NOX4: variants seen among roughly 807,000 people sequenced by gnomAD.
The protein encoded by NOX4 is kidney oxidase-1.
Under a neutral mutation model 87.6 loss-of-function variants are expected in NOX4, and 69 were observed. The ratio of observed to expected loss-of-function variants is 0.79; its 90% CI spans 0.65 to 0.96. The LOEUF (loss-of-function observed/expected upper bound fraction) is 0.96, where lower values mean the gene tolerates loss of function less well. NOX4 is among the 40% of genes least tolerant of loss of function. The pLI, the probability that NOX4 is intolerant of heterozygous loss-of-function variation, is 0.00. For missense variants in NOX4, 680 were observed against 681.5 expected, an observed-to-expected ratio of 1.00 and a Z score of 0.02; for synonymous variants, 275 against 238.2, an observed-to-expected ratio of 1.15 and a Z score of -1.42.
the NOX4 span, chr11:89,546,576 G>T: frequency 6.6e-6 from 1 of 152,158 alleles, no homozygotes; most frequent in Non-Finnish European, 1.5e-5. Context: ...AGTCTGTTTT[G>T]CATTGCTATA....
chr11:89,379,640 A>G (rs1475747439), intron 11 of NOX4, among the ~76,000 whole-genome samples: 1 of 151,978 alleles, frequency 6.6e-6, no homozygotes, highest in Non-Finnish European at 1.5e-5. Context: ...TTCCATCAGA[A>G]CCTCCTCTCC....
the NOX4 span, among the ~76,000 whole-genome samples, chr11:89,516,314 G>C: frequency 6.6e-6 from 1 of 152,010 alleles, no homozygotes; most frequent in African/African-American, 2.4e-5. Context: ...AAGAAATTTA[G>C]TAAAATTGAA....
chr11:89,349,318 A>G (rs538964320), intron 13 of NOX4, among the ~76,000 whole-genome samples: 3 of 152,024 alleles, frequency 2.0e-5, no homozygotes, highest in Non-Finnish European at 4.4e-5. Context: ...AAAATAAAAT[A>G]AAATAAAATA....
chr11:89,325,174 G>C lies in NOX4; in HGVS notation c.*1582C>G. On this transcript the variant is annotated 3_prime_UTR_variant, in exon 18 of 18. Transcript: ENST00000263317. ...GAATCTTGCTCTGTCACCCAGGCTGGAGTGCAGTGGTGCAATCTTGGCTCA... is the reference window on the plus strand; with the variant it reads ...GAATCTTGCTCTGTCACCCAGGCTGCAGTGCAGTGGTGCAATCTTGGCTCA... 7.7e-6 allele frequency: 1 copy of C among 129,448 alleles called. No homozygotes were observed. The allele number at this position is 129,448 out of a possible 1,614,324, so 8.0% of individuals were successfully genotyped here.
chr11:89,439,331 CAT>C (rs1183476143), intron 6 of NOX4, among the ~76,000 whole-genome samples: 1 of 151,838 alleles, frequency 6.6e-6, no homozygotes, highest in Non-Finnish European at 1.5e-5. Context: ...TAAATGAAAA[CAT>C]GTTTTCAATG....
At chr11:89,419,181 T>A (rs967943567) in intron 8 of NOX4, among the ~76,000 whole-genome samples, 7 of 151,964 alleles carry the variant, frequency 4.6e-5, no homozygotes, top group African/African-American at 1.7e-4. Context: ...ACTTACCACA[T>A]TGATGGACAG....
chr11:89,475,515 T>C (rs1946130019), intron 2 of NOX4, among the ~76,000 whole-genome samples: 1 of 152,058 alleles, frequency 6.6e-6, no homozygotes, highest in African/African-American at 2.4e-5. Flanking sequence ...AAAAATTACC[T>C]TGAAAATATT....
At chr11:89,558,092 C>T in the NOX4 span, among the ~76,000 whole-genome samples, 1 of 152,044 alleles carries the variant, frequency 6.6e-6, no homozygotes, top group Non-Finnish European at 1.5e-5. Context: ...ATTTGGAGGC[C>T]AGTAGTCTTG....
At chr11:89,424,435 G>T (rs774347030) in intron 7 of NOX4, among the ~76,000 whole-genome samples, 2 of 149,618 alleles carry the variant, frequency 1.3e-5, no homozygotes, top group Non-Finnish European at 3.0e-5. Context: ...TTTTATTGTT[G>T]CACTTTTTCT....
chr11:89,549,722 T>A, the NOX4 span, among the ~76,000 whole-genome samples: 5 of 152,200 alleles, frequency 3.3e-5, no homozygotes, highest in African/African-American at 1.2e-4. Context: ...CTCCTACTTA[T>A]GAGTCAGAAC....
At chr11:89,487,299 A>G (rs1946669354) in intron 2 of NOX4, among the ~76,000 whole-genome samples, 1 of 152,246 alleles carries the variant, frequency 6.6e-6, no homozygotes, top group Non-Finnish European at 1.5e-5. Flanking sequence ...AATTCCTGGC[A>G]TATCACAGGT....
chr11:89,364,070 C>T (rs1232103854), intron 12 of NOX4, among the ~76,000 whole-genome samples: 1 of 151,990 alleles, frequency 6.6e-6, no homozygotes, highest in African/African-American at 2.4e-5. Context: ...CACAGCAAGA[C>T]CCTTGCTCTT....
rs11314993 is a variant in NOX4, at chr11:89,366,700, G to GA, written c.1135+6731dup. Reference sequence around the variant, plus strand: ...AAGACCTGTCTCTAAAAACTGAAAAGAAAAAAAAAAAAAAAAAGAACATTG... The same window carrying GA: ...AAGACCTGTCTCTAAAAACTGAAAAGAAAAAAAAAAAAAAAAAAGAACATTG... On this transcript the variant is annotated intron_variant, in intron 12 of 17. Coordinates refer to ENST00000263317, the MANE Select transcript of NOX4 (RefSeq NM_016931.5). 3.1e-3 allele frequency among the ~76,000 whole-genome samples: 346 copies of GA among 113,122 alleles called. 9 individuals carry two copies. Among genetic ancestry groups the GA allele is most frequent in the Middle Eastern group, 0.014 (3 of 214 alleles). 74.2% of individuals were successfully genotyped at this position (113,122 alleles called of 152,430 possible).
the NOX4 span, among the ~76,000 whole-genome samples, chr11:89,571,341 G>T: frequency 6.7e-6 from 1 of 148,988 alleles, no homozygotes; most frequent in Non-Finnish European, 1.5e-5. Flanking sequence ...AGTCTTACTT[G>T]GCTGGAGTGC....
chr11:89,373,201 A>C lies in NOX4; in HGVS notation c.1135+231T>G, dbSNP rs112389367. ...CACACTGAACAATATATTATTAATA[A>C]TTACTGATATCAAAGGTATTCTGAT... On this transcript the variant is annotated intron_variant, in intron 12 of 17. Transcript: ENST00000263317. Among the ~76,000 whole-genome samples, 413 of 148,760 alleles carry C rather than the reference A, an allele frequency of 2.8e-3. 3 individuals are homozygous for C. The highest frequency in any genetic ancestry group is 2.9e-3 in the Non-Finnish European group (196 of 67,012).
the NOX4 span, among the ~76,000 whole-genome samples, chr11:89,566,460 T>C: frequency 6.6e-6 from 1 of 152,260 alleles, no homozygotes; most frequent in African/African-American, 2.4e-5. Flanking sequence ...AGGTTTTATA[T>C]AATAGTTCTC....
intron 8 of NOX4, among the ~76,000 whole-genome samples, chr11:89,408,739 T>C (rs369962386): frequency 6.6e-6 from 1 of 152,162 alleles, no homozygotes; most frequent in South Asian, 2.1e-4. Flanking sequence ...AATAACATCA[T>C]GTGTTTGTAA....
At chr11:89,397,903 A>G (rs1218697675) in intron 11 of NOX4, among the ~76,000 whole-genome samples, 2 of 152,142 alleles carry the variant, frequency 1.3e-5, no homozygotes, top group African/African-American at 2.4e-5. Context: ...AGGAGCTGGT[A>G]CCATTCCTTC....
At chr11:89,438,574 T>C (rs1178808560) in intron 6 of NOX4, among the ~76,000 whole-genome samples, 1 of 89,770 alleles carries the variant, frequency 1.1e-5, no homozygotes, top group Non-Finnish European at 1.9e-5. Context: ...ATATAATATA[T>C]ACTATATATT....
Sources: gnomAD v4.1 joint callset for allele counts (sites outside exome capture counted in the v4.1 genomes callset) on GRCh38, gnomAD v4.1.1 for gene constraint, MANE v1.5 for transcripts, NCBI Gene and HGNC (gene_info 2026-07-23, HGNC 2026-07-21) for gene names.